MYOF: variants seen among roughly 807,000 people sequenced by gnomAD.
MYOF encodes myoferlin.
In MYOF, 244 loss-of-function variants were observed where a neutral mutation model predicts 284.2. That is an observed-to-expected ratio of 0.86 (90% CI 0.77 to 0.95). The LOEUF (loss-of-function observed/expected upper bound fraction) is 0.95, where lower values mean the gene tolerates loss of function less well. MYOF is among the 40% of genes least tolerant of loss of function. The pLI is 0.00. For missense variants in MYOF, 2,496 were observed against 2,560.6 expected, an observed-to-expected ratio of 0.97 and a Z score of 0.54; for synonymous variants, 904 against 919.7, an observed-to-expected ratio of 0.98 and a Z score of 0.31.
intron 2 of MYOF, among the ~76,000 whole-genome samples, chr10:93,453,411 G>T (rs548667393): frequency 6.6e-6 from 1 of 151,940 alleles, no homozygotes; most frequent in Non-Finnish European, 1.5e-5. Flanking sequence ...TGATCCACCC[G>T]CCTTGACCTC....
At chr10:93,360,024 C>T in intron 28 of MYOF, 46 bp from the exon 29 acceptor site, 1 of 1,610,574 alleles carries the variant, frequency 6.2e-7, no homozygotes, top group Non-Finnish European at 8.5e-7. Flanking sequence ...ATGCATTTGC[C>T]AGATCACCAA....
intron 1 of MYOF, among the ~76,000 whole-genome samples, chr10:93,461,093 T>TAAGAAAAGAA (rs3980372): frequency 0.042 from 6,330 of 151,610 alleles, 317 homozygotes; most frequent in East Asian, 0.25. Flanking sequence ...AAACTCCATC[T>TAAGAAAAGAA]AAGAAAAGAA....
In MYOF at chr10:93,410,790, G is replaced by A. The variant is rs113387098; in HGVS notation, c.434-1051C>T. Among the ~76,000 whole-genome samples, 16 of 152,260 alleles carry A rather than the reference G, an allele frequency of 1.1e-4. 1 individual carries two copies. Among genetic ancestry groups the A allele is most frequent in the African/African-American group, 3.1e-4 (13 of 41,548 alleles). On this transcript the variant is annotated intron_variant, in intron 5 of 53. Coordinates refer to ENST00000359263, the MANE Select transcript of MYOF (RefSeq NM_013451.4). ...TTGGATTCTGAAACTCCTTCTCTAC[G>A]ATGCAAGATTATGAAAGAGATTTAA... is the stretch of plus-strand genomic sequence containing the variant.
chr10:93,470,549 C>A (rs543897932), intron 1 of MYOF, among the ~76,000 whole-genome samples: 62 of 152,046 alleles, frequency 4.1e-4, no homozygotes, highest in African/African-American at 1.4e-3. Flanking sequence ...CTACAGGTGC[C>A]CAACACCATG....
At chr10:93,470,502 G>A (rs2057121032) in intron 1 of MYOF, among the ~76,000 whole-genome samples, 1 of 151,974 alleles carries the variant, frequency 6.6e-6, no homozygotes, top group African/African-American at 2.4e-5. Flanking sequence ...CCAGGTTCGA[G>A]CCATTCTCCT....
intron 1 of MYOF, among the ~76,000 whole-genome samples, chr10:93,462,592 A>AG (rs2134351587): frequency 6.6e-6 from 1 of 152,228 alleles, no homozygotes; most frequent in African/African-American, 2.4e-5. Flanking sequence ...CTAGCTAATA[A>AG]GGAAAAACTA....
At chr10:93,380,014 A>G in intron 20 of MYOF, 27 bp from the exon 21 acceptor site, 1 of 1,603,882 alleles carries the variant, frequency 6.2e-7, no homozygotes, top group Non-Finnish European at 8.5e-7. Flanking sequence ...GGGGTCAATG[A>G]ACACTGAACA....
intron 4 of MYOF, among the ~76,000 whole-genome samples, chr10:93,427,581 G>T (rs531521515): frequency 1.3e-5 from 2 of 149,742 alleles, no homozygotes; most frequent in South Asian, 4.3e-4. Context: ...ATATAAAGTT[G>T]TGATTCATAA....
Position 93,359,813 on chromosome 10 carries a change from C to T in MYOF, c.3120+20G>A, listed in dbSNP as rs1247756427. ...AGGGCAGAGCTCCCCAGTCCAGCTC[C>T]CTTCCCTTGCTTCTCTTACCCTTGC... is the stretch of plus-strand genomic sequence containing the variant. On this transcript the variant is annotated intron_variant, in intron 29 of 53. Coordinates refer to ENST00000359263, the MANE Select transcript of MYOF (RefSeq NM_013451.4). The T allele has an allele frequency of 6.2e-7, 1 of 1,613,830 alleles. No homozygotes were observed. The highest frequency in any genetic ancestry group is 1.7e-5 in the Admixed American group (1 of 60,024).
chr10:93,336,661 CATAGGGT>C (rs752843192), intron 40 of MYOF, among the ~76,000 whole-genome samples: 2 of 152,018 alleles, frequency 1.3e-5, no homozygotes, highest in Non-Finnish European at 2.9e-5. Context: ...TGGTGGTTCA[CATAGGGT>C]ATATACAATA....
chr10:93,358,785 A>G (rs1844929118), intron 29 of MYOF, among the ~76,000 whole-genome samples: 1 of 152,056 alleles, frequency 6.6e-6, no homozygotes, highest in South Asian at 2.1e-4. Context: ...AACAACACAC[A>G]CTGGGGCCGG....
At chr10:93,388,769 C>G (rs1564674370) in intron 18 of MYOF, among the ~76,000 whole-genome samples, 2 of 152,182 alleles carry the variant, frequency 1.3e-5, no homozygotes, top group South Asian at 4.1e-4. Context: ...GAAAAGAATT[C>G]CAAGGCAGCC....
chr10:93,309,026 T>C (rs991028794), intron 53 of MYOF, among the ~76,000 whole-genome samples: 16 of 152,142 alleles, frequency 1.1e-4, no homozygotes, highest in Admixed American at 6.5e-5. Context: ...TTATTATTAA[T>C]GTGTTTTTGG....
At chr10:93,377,195 G>T in intron 22 of MYOF, 128 bp downstream of exon 22, 1 of 697,626 alleles carries the variant, frequency 1.4e-6, no homozygotes, top group Non-Finnish European at 2.4e-6. Flanking sequence ...GACTTTTTAC[G>T]AAGTTTGAAT....
At chr10:93,357,446 T>C (rs958558774) in intron 29 of MYOF, among the ~76,000 whole-genome samples, 6 of 152,218 alleles carry the variant, frequency 3.9e-5, no homozygotes, top group Admixed American at 3.3e-4. Context: ...TCGACAAATA[T>C]GAGTGCCCAC....
chr10:93,311,543 C>T (rs1002476530), intron 51 of MYOF, among the ~76,000 whole-genome samples: 10 of 150,414 alleles, frequency 6.6e-5, no homozygotes, highest in Non-Finnish European at 1.0e-4. Flanking sequence ...AAGCAGAGAT[C>T]GCACCACTGC....
intron 13 of MYOF, among the ~76,000 whole-genome samples, chr10:93,399,037 G>C (rs1388102432): frequency 7.9e-6 from 1 of 127,274 alleles, no homozygotes. Flanking sequence ...ACTGGGGGGG[G>C]GTCTCTGTCC....
chr10:93,323,080 T>C lies in MYOF; in HGVS notation c.5454A>G (p.Lys1818=), dbSNP rs1338822044. The change falls in exon 48 of 54, where the codon AAA becomes AAG. Residue 1818 remains lysine, a splice_region_variant and synonymous_variant. Transcript: ENST00000359263. ...AGTCTCTCACATGCTAACCTTACCC[T>C]TTGACGTAGATGTCACTCATTTCCT... The part of the protein sequence containing the change: ...TGEEMSDIYV[K]GWIPGNEENK... 6.2e-7 allele frequency: 1 copy of C among 1,613,384 alleles called. No homozygotes were observed. The highest frequency in any genetic ancestry group is 1.7e-5 in the Admixed American group (1 of 60,022).
chr10:93,378,693 G>GTGTGTGTGTGTATATA, intron 21 of MYOF, among the ~76,000 whole-genome samples: 59 of 87,892 alleles, frequency 6.7e-4, no homozygotes, highest in African/African-American at 2.7e-3. Flanking sequence ...GTGTGTGTGT[G>GTGTGTGTGTGTATATA]TATATATATA....
Sources: allele counts gnomAD v4.1 joint callset (sites outside exome capture counted in the v4.1 genomes callset), GRCh38; gene constraint gnomAD v4.1.1; transcripts MANE v1.5; gene names NCBI Gene and HGNC (gene_info 2026-07-23, HGNC 2026-07-21).